Variants in CHD4 observed in about 807,000 individuals in gnomAD.
CHD4 encodes chromodomain helicase DNA binding protein 4, also known as ATP-dependent chromatin remodeler CHD4.
Under a neutral mutation model 235.5 loss-of-function variants are expected in CHD4, and 35 were observed. The ratio of observed to expected loss-of-function variants is 0.15; its 90% CI spans 0.11 to 0.20. CHD4 has a LOEUF of 0.20. Among genes scored for constraint, CHD4 ranks in the 10% least tolerant of loss-of-function variants. CHD4 has a pLI of 1.00. For missense variants in CHD4, 1,329 were observed against 2,432.3 expected, an observed-to-expected ratio of 0.55 and a Z score of 9.54; for synonymous variants, 900 against 850.2, an observed-to-expected ratio of 1.06 and a Z score of -1.02.
In CHD4 at chr12:6,595,385, C is replaced by G. The variant is rs1948470092; in HGVS notation, c.2070G>C (p.Lys690Asn). The change falls in exon 14 of 40, where the codon AAG (lysine) becomes AAC (asparagine). Residue 690 changes from lysine to asparagine, a missense_variant. Lys to Asn is a moderately conservative substitution (Grantham distance 94, BLOSUM62 0). Coordinates refer to ENST00000544040, the MANE Select transcript of CHD4 (RefSeq NM_001273.5). ...GEEGRPGKKL[K>N]KVKLRKLERP... ...TCTCCAACTTCCGAAGCTTCACCTT[C>G]TTGAGCTTCTTGCCTGGTCGGCCTT... 6.2e-7 allele frequency: 1 copy of G among 1,613,992 alleles called. No homozygotes were observed. Among genetic ancestry groups the G allele is most frequent in the Admixed American group, 1.7e-5 (1 of 60,004 alleles).
chr12:6,582,277 A>G lies in CHD4; in HGVS notation c.4375T>C (p.Tyr1459His). Residue 1459 changes from tyrosine (Y) to histidine (H), a missense_variant, in exon 30 of 40, where the codon TAT becomes CAT. Coordinates refer to ENST00000544040, the MANE Select transcript of CHD4 (RefSeq NM_001273.5). ...AAATGCCGCATGAAAAGAGAGACATATGCCCTGTGTAAAGAAGTAGAGAAA... is the reference window on the plus strand; with the variant it reads ...AAATGCCGCATGAAAAGAGAGACATGTGCCCTGTGTAAAGAAGTAGAGAAA... ...RGKSEKEFKA[Y>H]VSLFMRHLCE... is the part of the protein sequence containing the mutation. 1 of 1,579,392 alleles carries G rather than the reference A, an allele frequency of 6.3e-7. No individual in the cohort carries two copies.
chr12:6,602,160 G>C lies in CHD4; in HGVS notation c.238C>G (p.Arg80Gly). The change falls in exon 4 of 40, where the codon CGG (arginine) becomes GGG (glycine). Residue 80 changes from arginine (R) to glycine (G), a missense_variant. Arg to Gly is a moderately radical substitution (Grantham distance 125, BLOSUM62 -2). Transcript: ENST00000544040. ...TCCCCAGAGCTGTCCCCCAGCTGCC[G>C]GCATAAGAGCATACGCTGGAGCAGG... ...RQKKERMLLC[R>G]QLGDSSGEGP... is the part of the protein sequence containing the mutation. 1 of 1,613,840 alleles carries C rather than the reference G, an allele frequency of 6.2e-7. No individual in the cohort carries two copies. The highest frequency in any genetic ancestry group is 8.5e-7 in the Non-Finnish European group (1 of 1,179,966).
In CHD4 at chr12:6,606,403, C is replaced by G. The variant is rs778179799; in HGVS notation, c.-30G>C. On this transcript the variant is annotated 5_prime_UTR_variant, in exon 2 of 40. Transcript: ENST00000544040. ...TTCCGCTCCCGGCCAGGGAATTGGC[C>G]CAGCTGCTCCTGCCGGCGGCCTGAG... is the stretch of plus-strand genomic sequence containing the variant. 26 of 1,508,894 alleles carry G rather than the reference C, an allele frequency of 1.7e-5. No individual in the cohort carries two copies. The highest frequency in any genetic ancestry group is 1.2e-4 in the South Asian group (10 of 84,900). 93.5% of individuals were successfully genotyped at this position (1,508,894 alleles called of 1,614,324 possible). A position where few individuals can be genotyped will look rare whatever the true frequency, so the allele number is the denominator to read the frequency against.
chr12:6,570,627 A>G lies in CHD4; in HGVS notation c.*49T>C. 6.2e-7 allele frequency: 1 copy of G among 1,613,140 alleles called. No individual in the cohort carries two copies. The highest frequency in any genetic ancestry group is 8.5e-7 in the Non-Finnish European group (1 of 1,179,192). On this transcript the variant is annotated 3_prime_UTR_variant, in exon 40 of 40. Transcript: ENST00000544040. ...CAGGGGAGAAGCTGGGACAAGAGAA[A>G]GTGAGGAAGGTCACTGCTCAGCGGT...
chr12:6,581,786 C>A lies in CHD4; in HGVS notation c.4544G>T (p.Arg1515Leu), dbSNP rs963028335. The A allele has an allele frequency of 1.9e-6, 3 of 1,543,620 alleles. No homozygotes were observed. The highest frequency in any genetic ancestry group is 2.6e-6 in the Non-Finnish European group (3 of 1,146,336). The change falls in exon 31 of 40, where the codon CGC becomes CTC. Residue 1515 changes from arginine (R) to leucine (L), a missense_variant. Arg to Leu is a moderately radical substitution (Grantham distance 102). Around this residue, in one of 26 missense-constraint regions of CHD4, gnomAD observed 219 missense variants for 219.3 expected, o/e 1.00. Coordinates refer to ENST00000544040, the MANE Select transcript of CHD4 (RefSeq NM_001273.5). ...KVQEFEHVNG[R>L]WSMPELAEVE... ...CTCAGCCAGTTCAGGCATGCTCCAG[C>A]GCCCATTAACATGTTCAAACTCCTG...
chr12:6,585,595 TAA>T (rs1948274086), intron 25 of CHD4, among the ~76,000 whole-genome samples: 1 of 150,362 alleles, frequency 6.7e-6, no homozygotes, highest in South Asian at 2.1e-4. Context: ...TTCTAATCTT[TAA>T]AAAAACATGG....
At position 6,602,015 on chromosome 12, in the gene CHD4, CTCT is replaced by C. The variant is rs1948603117; in HGVS notation, c.380_382del (p.Lys127del). On this transcript the variant is annotated inframe_deletion, in exon 4 of 40. Transcript: ENST00000544040. ...CTCCTCCTCCTTCCGCTTGGATTTGCTCTTCTTCTCTTTCTTAGGTCCAAGCTT... is the reference window on the plus strand; with the variant it reads ...CTCCTCCTCCTTCCGCTTGGATTTGCTCTTCTCTTTCTTAGGTCCAAGCTT... 6.8e-6 allele frequency: 11 copies of C among 1,611,632 alleles called. No individual in the cohort carries two copies. The highest frequency in any genetic ancestry group is 2.2e-5 in the East Asian group (1 of 44,858).
rs777627101 is a variant in CHD4 at position 6,594,492 on chromosome 12, C to T, written c.2280G>A (p.Gln760=). 4 of 1,613,730 alleles carry T rather than the reference C, an allele frequency of 2.5e-6. No homozygotes were observed. The East Asian group carries it at 8.9e-5, about 36-fold the overall frequency. The change falls in exon 15 of 40, where the codon CAG becomes CAA. Residue 760 remains glutamine (Q), a synonymous_variant. Transcript: ENST00000544040. ...ADEMGLGKTV[Q]TAVFLYSLYK... ...AAAGGGAATACAGGAAGACTGCTGT[C>T]TGTACAGTTTTCCCAAGGCCCATCT...
At chr12:6,590,328 T>C (rs1195015030) in intron 22 of CHD4, 1 of 152,116 alleles carries the variant, frequency 6.6e-6, no homozygotes, top group African/African-American at 2.4e-5. Context: ...CAAGAAAAAT[T>C]GGTGACATTC....
rs752720902 is a variant in CHD4, at chr12:6,595,327, C to G, written c.2121+7G>C. ...AACAAACTACAGTCCCTTCCACCCC[C>G]ACTCACATCAACTGTTGGCGTTTCT... On this transcript the variant is annotated splice_region_variant and intron_variant, in intron 14 of 39. Coordinates refer to ENST00000544040, the MANE Select transcript of CHD4 (RefSeq NM_001273.5). 2.5e-6 allele frequency: 4 copies of G among 1,612,432 alleles called. No homozygotes were observed. Among genetic ancestry groups the G allele is most frequent in the Non-Finnish European group, 3.4e-6 (4 of 1,178,484 alleles).
At chr12:6,599,593 T>A (rs190616390) in intron 10 of CHD4, among the ~76,000 whole-genome samples, 180 bp downstream of exon 10, 158 of 152,266 alleles carry the variant, frequency 1.0e-3, no homozygotes, top group African/African-American at 3.5e-3. Context: ...ACTCCTCAGT[T>A]TGAAGTTAGT....
rs1278475039 is a variant in CHD4, at chr12:6,583,191, C to G, written c.4060+7G>C. 1 of 1,614,092 alleles carries G rather than the reference C, an allele frequency of 6.2e-7. No homozygotes were observed. Among genetic ancestry groups the G allele is most frequent in the Admixed American group, 1.7e-5 (1 of 60,020 alleles). On this transcript the variant is annotated splice_region_variant and intron_variant, in intron 26 of 39. Coordinates refer to ENST00000544040, the MANE Select transcript of CHD4 (RefSeq NM_001273.5). ...CATGGGTGGGGGGCGGGGCCGGCCA[C>G]ACACACCTCGGTCCTCCTGGGAGCC...
chr12:6,579,076 A>AT, intron 33 of CHD4, 159 bp from the exon 34 acceptor site: 1 of 609,634 alleles, frequency 1.6e-6, no homozygotes, highest in Non-Finnish European at 2.9e-6. Flanking sequence ...GCATCTTGGG[A>AT]GACAGCAGCA....
Position 6,596,137 on chromosome 12 carries a change from A to G in CHD4, c.1893T>C (p.Ser631=), listed in dbSNP as rs1013429543. 2.5e-6 allele frequency: 4 copies of G among 1,612,648 alleles called. No homozygotes were observed. Among genetic ancestry groups the G allele is most frequent in the South Asian group, 1.1e-5 (1 of 90,786 alleles). The change falls in exon 13 of 40, where the codon AGT becomes AGC. Residue 631 remains serine (S), a splice_region_variant and synonymous_variant. Transcript: ENST00000544040. Reference sequence around the variant, plus strand: ...AGTGGACGTGGCCCTTCTTGTCCACACTGCAAGTCCAGGAGAGAAAACCCT... The same window carrying G: ...AGTGGACGTGGCCCTTCTTGTCCACGCTGCAAGTCCAGGAGAGAAAACCCT... ...WMMIHRILNH[S]VDKKGHVHYL...
At chr12:6,579,167 T>G in intron 33 of CHD4, 1 of 293,380 alleles carries the variant, frequency 3.4e-6, no homozygotes. Context: ...ATACAAAAAT[T>G]AGCTGGGTGC....
intron 35 of CHD4, 49 bp downstream of exon 35, chr12:6,578,360 A>G: frequency 6.3e-7 from 1 of 1,592,306 alleles, no homozygotes; most frequent in Non-Finnish European, 8.5e-7. Context: ...CAAGAACCCC[A>G]ATTTCACATC....
rs777539073 is a variant in CHD4 at position 6,594,647 on chromosome 12, T to C, written c.2125A>G (p.Thr709Ala). The C allele has an allele frequency of 1.9e-6, 3 of 1,612,526 alleles. No individual in the cohort carries two copies. Among genetic ancestry groups the C allele is most frequent in the Non-Finnish European group, 2.5e-6 (3 of 1,179,140 alleles). ...RPPETPTVDP[T>A]VKYERQPEYL... ...TCTGGCTGTCGCTCATACTTCACTG[T>C]TGGCTGAAGGATGAAACAGAGAAGT... Residue 709 changes from threonine to alanine, a missense_variant, in exon 15 of 40, where the codon ACA becomes GCA. Thr to Ala is a moderately conservative substitution (Grantham distance 58). This residue lies in a region of CHD4 where 121 missense variants were observed against 177.8 expected (regional missense o/e 0.68). Transcript: ENST00000544040.
intron 25 of CHD4, among the ~76,000 whole-genome samples, chr12:6,584,964 T>C (rs1948256274): frequency 6.6e-6 from 1 of 151,852 alleles, no homozygotes; most frequent in Non-Finnish European, 1.5e-5. Flanking sequence ...CACACTTACA[T>C]ATAAACTGAG....
chr12:6,575,964 G>A (rs941428707), intron 37 of CHD4, among the ~76,000 whole-genome samples: 12 of 151,834 alleles, frequency 7.9e-5, no homozygotes, highest in African/African-American at 2.7e-4. Context: ...AATCTCCGTC[G>A]CATTCTTCAA....
Sources: gnomAD v4.1 joint callset for allele counts (sites outside exome capture counted in the v4.1 genomes callset) on GRCh38, gnomAD v4.1.1 for gene constraint, gnomAD v4.1.1 regional missense constraint, MANE v1.5 for transcripts, NCBI Gene and HGNC (gene_info 2026-07-23, HGNC 2026-07-21) for gene names.